HEATR4: variants seen among roughly 807,000 people sequenced by gnomAD.
The protein encoded by HEATR4 is HEAT repeat containing 4.
In HEATR4, 95 loss-of-function variants were observed where a neutral mutation model predicts 108.8. The observed-to-expected ratio is 0.87, with a 90% CI of 0.74 to 1.04. HEATR4 has a LOEUF of 1.04. HEATR4 is among the 50% of genes least tolerant of loss of function. The pLI, the probability that HEATR4 is intolerant of heterozygous loss-of-function variation, is 0.00. For missense variants in HEATR4, 1,152 were observed against 1,253.8 expected (o/e 0.92, Z 1.23); for synonymous variants, 443 against 459.4 (o/e 0.96, Z 0.46).
chr14:73,587,263 G>C, the HEATR4 span, among the ~76,000 whole-genome samples: 2 of 152,026 alleles, frequency 1.3e-5, no homozygotes, highest in Non-Finnish European at 2.9e-5. Context: ...CTACTGACAG[G>C]AGTATTTGCA....
chr14:73,570,309 C>T, the HEATR4 span, among the ~76,000 whole-genome samples: 9 of 151,798 alleles, frequency 5.9e-5, no homozygotes, highest in African/African-American at 2.2e-4. Context: ...GTGGCTCACG[C>T]TTGTAATCCC....
chr14:73,617,349 G>A, the HEATR4 span: 2 of 1,035,958 alleles, frequency 1.9e-6, no homozygotes, highest in Non-Finnish European at 2.9e-6. Context: ...GCATGGTGAT[G>A]TGCACCTGTA....
chr14:73,530,507 C>T (rs1190130774), intron 1 of HEATR4: 7 of 127,064 alleles, frequency 5.5e-5, no homozygotes, highest in Admixed American at 4.3e-4. Context: ...CCCTTTTTGC[C>T]CTCAAAAAGT....
chr14:73,536,556 C>T (rs1204493339), intron 1 of HEATR4, among the ~76,000 whole-genome samples: 1 of 102,500 alleles, frequency 9.8e-6, no homozygotes. Context: ...AGAGGTAACA[C>T]TTGCCTGACT....
At chr14:73,608,337 A>T in the HEATR4 span, among the ~76,000 whole-genome samples, 1 of 152,106 alleles carries the variant, frequency 6.6e-6, no homozygotes, top group Non-Finnish European at 1.5e-5. Context: ...ACCCTAAATC[A>T]TCTCTTTCAA....
chr14:73,592,337 G>T, the HEATR4 span: 3 of 1,603,656 alleles, frequency 1.9e-6, no homozygotes, highest in Non-Finnish European at 2.6e-6. Context: ...CGCAGCACGA[G>T]CGCCACTTCC....
intron 17 of HEATR4, chr14:73,491,381 C>G: frequency 7.4e-7 from 1 of 1,354,852 alleles, no homozygotes; most frequent in Non-Finnish European, 9.4e-7. Flanking sequence ...GTCGGCGCGC[C>G]TGGTGCCCGC....
At chr14:73,583,933 C>T in the HEATR4 span, among the ~76,000 whole-genome samples, 758 of 151,702 alleles carry the variant, frequency 5.0e-3, 13 homozygotes, top group Non-Finnish European at 8.2e-3. Flanking sequence ...CCCGGGAGGC[C>T]GAGGTTGCAG....
chr14:73,495,473 T>G (rs776055247), intron 15 of HEATR4, 86 bp from the exon 16 acceptor site: 7 of 1,124,488 alleles, frequency 6.2e-6, no homozygotes, highest in Non-Finnish European at 8.9e-6. Flanking sequence ...ATAAAGTGAT[T>G]GTAGGAGGCT....
the HEATR4 span, among the ~76,000 whole-genome samples, chr14:73,590,598 G>C: frequency 2.0e-5 from 3 of 152,210 alleles, no homozygotes; most frequent in Admixed American, 6.5e-5. Context: ...CAGGCATGGC[G>C]GGCTGCAGGT....
chr14:73,567,150 T>C, the HEATR4 span, among the ~76,000 whole-genome samples: 1 of 152,026 alleles, frequency 6.6e-6, no homozygotes, highest in African/African-American at 2.4e-5. Context: ...TTGTCCAGGT[T>C]GGTGCGAAAC....
chr14:73,606,750 T>C, the HEATR4 span, among the ~76,000 whole-genome samples: 2 of 152,228 alleles, frequency 1.3e-5, no homozygotes, highest in African/African-American at 4.8e-5. Flanking sequence ...CAATCAGGAC[T>C]CCTTCCCTGA....
the HEATR4 span, chr14:73,573,587 C>G: frequency 1.2e-6 from 2 of 1,613,472 alleles, no homozygotes; most frequent in Non-Finnish European, 1.7e-6. Context: ...TCAGTCATCC[C>G]GAGGTTAGTT....
intron 4 of HEATR4, 163 bp downstream of exon 4, chr14:73,520,689 A>G (rs1484854515): frequency 3.1e-6 from 2 of 639,984 alleles, no homozygotes; most frequent in African/African-American, 3.6e-5. Flanking sequence ...TCACTCCCCG[A>G]CCCAACTCCT....
the HEATR4 span, among the ~76,000 whole-genome samples, chr14:73,596,773 A>C: frequency 6.6e-6 from 1 of 151,430 alleles, no homozygotes; most frequent in Non-Finnish European, 1.5e-5. Context: ...TAATTTTTGT[A>C]TTTTTAGTAG....
At chr14:73,525,934 C>T (rs1159485085) in intron 2 of HEATR4, among the ~76,000 whole-genome samples, 1 of 138,994 alleles carries the variant, frequency 7.2e-6, no homozygotes, top group African/African-American at 2.7e-5. Context: ...GCCTGGGTGA[C>T]AGAGTGAGAC....
chr14:73,542,583 T>C (rs1889123960), intron 1 of HEATR4, among the ~76,000 whole-genome samples: 2 of 106,094 alleles, frequency 1.9e-5, no homozygotes, highest in African/African-American at 6.4e-5. Flanking sequence ...TTTTTGTATT[T>C]TTAGTAGAGA....
At chr14:73,587,702 T>TA in the HEATR4 span, among the ~76,000 whole-genome samples, 8 of 152,314 alleles carry the variant, frequency 5.3e-5, no homozygotes, top group African/African-American at 1.9e-4. Context: ...CTATTCTGAT[T>TA]ATCAGTAAAA....
intron 17 of HEATR4, among the ~76,000 whole-genome samples, chr14:73,488,278 T>C (rs1236838185): frequency 6.6e-6 from 1 of 152,162 alleles, no homozygotes; most frequent in Non-Finnish European, 1.5e-5. Flanking sequence ...AAGATCTGGT[T>C]GCTTTTGTTT....
Sources: allele counts gnomAD v4.1 joint callset (sites outside exome capture counted in the v4.1 genomes callset), GRCh38; gene constraint gnomAD v4.1.1; transcripts MANE v1.5; gene names NCBI Gene and HGNC (gene_info 2026-07-23, HGNC 2026-07-21).